The following NPTN variants were observed in gnomAD, a reference collection of about 807,000 sequenced individuals.
The protein encoded by NPTN is neuroplastin.
NPTN carries 5 observed loss-of-function variants against 42.7 expected under a neutral mutation model. That is an observed-to-expected ratio of 0.12 (90% CI 0.06 to 0.25). NPTN has a LOEUF of 0.25. Among genes scored for constraint, NPTN ranks in the 10% least tolerant of loss-of-function variants. The pLI is 1.00. For synonymous variants in NPTN, 180 were observed against 201.9 expected, an observed-to-expected ratio of 0.89 and a Z score of 0.92; for missense variants, 307 against 525.4, an observed-to-expected ratio of 0.58 and a Z score of 4.06.
At chr15:73,573,538 A>G in intron 5 of NPTN, 124 bp downstream of exon 5, 1 of 1,103,454 alleles carries the variant, frequency 9.1e-7, no homozygotes, top group Non-Finnish European at 1.3e-6. Flanking sequence ...CCGTGACTCT[A>G]GAAAGGGTGA....
At chr15:73,626,623 TTG>T (rs1026557959) in intron 1 of NPTN, among the ~76,000 whole-genome samples, 4 of 152,222 alleles carry the variant, frequency 2.6e-5, no homozygotes, top group Admixed American at 2.6e-4. Context: ...AAACTCTTAC[TTG>T]TGTGTTTTCC....
At chr15:73,631,467 A>C (rs116903705) in intron 1 of NPTN, among the ~76,000 whole-genome samples, 63 of 152,364 alleles carry the variant, frequency 4.1e-4, no homozygotes, top group Non-Finnish European at 7.1e-4. Flanking sequence ...AGCACACATA[A>C]AATTTGGTAC....
rs72741478 is a variant in NPTN, at chr15:73,569,562, C to T, written c.1114+588G>A. 7.7e-3 allele frequency: 7,630 copies of T among 985,416 alleles called. 39 individuals carry two copies. The highest frequency in any genetic ancestry group is 0.014 in the Middle Eastern group (26 of 1,914). 61.0% of individuals were successfully genotyped at this position (985,416 alleles called of 1,614,324 possible). A position where few individuals can be genotyped will look rare whatever the true frequency, so the allele number is the denominator to read the frequency against. The stretch of plus-strand genomic sequence containing the variant: ...CTGTGAGACACAGATGGAAAGCCAC[C>T]CAGCAGAGAGCGCTGGAAACCTATC... On this transcript the variant is annotated intron_variant, in intron 6 of 8. Coordinates refer to ENST00000345330, the MANE Select transcript of NPTN (RefSeq NM_012428.4). This position sits in a 1 kb window ranked among gnomAD's most constrained non-coding sequence, Gnocchi z 4.1.
At chr15:73,573,305 C>T (rs939933305) in intron 5 of NPTN, among the ~76,000 whole-genome samples, 1 of 152,102 alleles carries the variant, frequency 6.6e-6, no homozygotes, top group Non-Finnish European at 1.5e-5. Context: ...TTTCCTGAGG[C>T]CTCCCCGGCA....
intron 1 of NPTN, among the ~76,000 whole-genome samples, chr15:73,629,559 T>C (rs1898618819): frequency 6.6e-6 from 1 of 152,064 alleles, no homozygotes; most frequent in East Asian, 1.9e-4. Context: ...TTCACAACTA[T>C]CTAGTATCAC....
chr15:73,608,680 G>A (rs1897404346), intron 1 of NPTN, among the ~76,000 whole-genome samples: 1 of 152,310 alleles, frequency 6.6e-6, no homozygotes. Flanking sequence ...ACTGGTGGCA[G>A]TACAATGGCT....
intron 4 of NPTN, among the ~76,000 whole-genome samples, chr15:73,574,747 T>G (rs551650084): frequency 4.6e-5 from 7 of 152,246 alleles, no homozygotes; most frequent in African/African-American, 1.7e-4. Flanking sequence ...AGAATCTGCC[T>G]TGGACACCTG....
chr15:73,597,467 A>G lies in NPTN; in HGVS notation c.92-98T>C, dbSNP rs1595935662. On this transcript the variant is annotated intron_variant, in intron 1 of 8. Coordinates refer to ENST00000345330, the MANE Select transcript of NPTN (RefSeq NM_012428.4). This position sits in a 1 kb window ranked among gnomAD's most constrained non-coding sequence, Gnocchi z 6.3. ...AGTAATTTAAAGAAAAGAAAAGAAA[A>G]AAGCAAATGAGTTGCAAAGAACAAA... 1 of 953,532 alleles carries G rather than the reference A, an allele frequency of 1.0e-6. No individual in the cohort carries two copies. 59.1% of individuals were successfully genotyped at this position (953,532 alleles called of 1,614,324 possible).
chr15:73,605,356 G>T (rs1897252209), intron 1 of NPTN, among the ~76,000 whole-genome samples: 1 of 151,844 alleles, frequency 6.6e-6, no homozygotes, highest in Non-Finnish European at 1.5e-5. Flanking sequence ...TAATAAAAAT[G>T]ATTTAGAATA....
At chr15:73,624,404 T>C (rs1898293098) in intron 1 of NPTN, among the ~76,000 whole-genome samples, 2 of 152,210 alleles carry the variant, frequency 1.3e-5, no homozygotes, top group African/African-American at 4.8e-5. Context: ...GAATATAATT[T>C]CAATGCTGGA....
At chr15:73,611,882 CT>C (rs1897599296) in intron 1 of NPTN, among the ~76,000 whole-genome samples, 1 of 152,106 alleles carries the variant, frequency 6.6e-6, no homozygotes, top group Admixed American at 6.6e-5. Flanking sequence ...GTACTTCCTG[CT>C]CAATTTTGCT....
chr15:73,632,405 A>C (rs967534692), intron 1 of NPTN, among the ~76,000 whole-genome samples: 1 of 151,580 alleles, frequency 6.6e-6, no homozygotes, highest in Non-Finnish European at 1.5e-5. Context: ...ACTACCCTAG[A>C]ATGCCCAGCA....
chr15:73,633,306 CGCGAGGGAGTGA>C lies in NPTN; in HGVS notation c.-103_-92del, dbSNP rs1237859170. 3.1e-6 allele frequency: 3 copies of C among 959,546 alleles called. No homozygotes were observed. Among genetic ancestry groups the C allele is most frequent in the Admixed American group, 3.9e-5 (1 of 25,596 alleles). The allele number at this position is 959,546 out of a possible 1,614,324, so 59.4% of individuals were successfully genotyped here. On this transcript the variant is annotated 5_prime_UTR_variant, in exon 1 of 9. Transcript: ENST00000345330. Reference sequence around the variant, plus strand: ...GAGGGAGGGAGGGGGCGGGCGAGTGCGCGAGGGAGTGAGCGAGGGAGGCAGCCGCGGCTCGGC... The same window carrying C: ...GAGGGAGGGAGGGGGCGGGCGAGTGCGCGAGGGAGGCAGCCGCGGCTCGGC...
At chr15:73,568,134 A>G in intron 6 of NPTN, 8 of 985,420 alleles carry the variant, frequency 8.1e-6, no homozygotes, top group Non-Finnish European at 9.6e-6. Context: ...TTCCCTGGGC[A>G]GGTGTCTGCA....
chr15:73,618,632 T>C (rs748327041), intron 1 of NPTN, among the ~76,000 whole-genome samples: 1 of 152,160 alleles, frequency 6.6e-6, no homozygotes, highest in African/African-American at 2.4e-5. Flanking sequence ...TCCCAACACT[T>C]TGGAGACCAG....
intron 1 of NPTN, among the ~76,000 whole-genome samples, chr15:73,601,519 C>T (rs1487552702): frequency 1.3e-5 from 2 of 152,186 alleles, no homozygotes; most frequent in South Asian, 2.1e-4. Flanking sequence ...GACTCACTGC[C>T]CTGCCTTTCA....
At chr15:73,619,685 G>T (rs1373622778) in intron 1 of NPTN, among the ~76,000 whole-genome samples, 1 of 152,182 alleles carries the variant, frequency 6.6e-6, no homozygotes, top group Non-Finnish European at 1.5e-5. Context: ...TGGTAAATAA[G>T]TTGTGTGTTA....
chr15:73,570,199 C>T lies in NPTN; in HGVS notation c.1065G>A (p.Val355=), dbSNP rs1895288135. ...TCCTCTTCTCATACACAACAATGAT[C>T]ACCACAAGGATGATAATTTCAGCCA... is the stretch of plus-strand genomic sequence containing the variant. ...GILAEIIILV[V]IIVVYEKRKR... Residue 355 remains valine (V), a synonymous_variant, in exon 6 of 9, where the codon GTG becomes GTA. Coordinates refer to ENST00000345330, the MANE Select transcript of NPTN (RefSeq NM_012428.4). The surrounding 1 kb of genome is among the most constrained non-coding windows in gnomAD (Gnocchi z 4.0). 1 of 1,613,816 alleles carries T rather than the reference C, an allele frequency of 6.2e-7. No homozygotes were observed. The highest frequency in any genetic ancestry group is 1.7e-5 in the Admixed American group (1 of 60,000).
Position 73,628,125 on chromosome 15 carries a change from G to A in NPTN, c.91+5000C>T, listed in dbSNP as rs114430959. Reference sequence around the variant, plus strand: ...AATTTGTATAAAATGATAATGTTTTGTTTAAAGAGGCATACTGAAAGCTAA... The same window carrying A: ...AATTTGTATAAAATGATAATGTTTTATTTAAAGAGGCATACTGAAAGCTAA... On this transcript the variant is annotated intron_variant, in intron 1 of 8. Coordinates refer to ENST00000345330, the MANE Select transcript of NPTN (RefSeq NM_012428.4). Among the ~76,000 whole-genome samples, 468 of 152,224 alleles carry A rather than the reference G, an allele frequency of 3.1e-3. 2 individuals are homozygous for A. The highest frequency in any genetic ancestry group is 0.011 in the African/African-American group (446 of 41,538).
Sources: allele counts gnomAD v4.1 joint callset (sites outside exome capture counted in the v4.1 genomes callset), GRCh38; gene constraint gnomAD v4.1.1; non-coding constraint Gnocchi (gnomAD v3.1); transcripts MANE v1.5; gene names NCBI Gene and HGNC (gene_info 2026-07-23, HGNC 2026-07-21).